Variants in AMDHD2 observed in about 807,000 individuals in gnomAD.
AMDHD2 encodes the protein N-acetylglucosamine-6-phosphate deacetylase.
Under a neutral mutation model 41.8 loss-of-function variants are expected in AMDHD2, and 24 were observed. That is an observed-to-expected ratio of 0.57 (90% CI 0.42 to 0.81). The LOEUF (loss-of-function observed/expected upper bound fraction) is 0.81. AMDHD2 is among the 30% of genes least tolerant of loss of function. The pLI, the probability that AMDHD2 is intolerant of heterozygous loss-of-function variation, is 0.00. For missense variants in AMDHD2, 540 were observed against 588.5 expected (o/e 0.92, Z 0.85); for synonymous variants, 332 against 255.5 (o/e 1.30, Z -2.85).
intron 3 of AMDHD2, among the ~76,000 whole-genome samples, chr16:2,524,553 C>T (rs1402492925): frequency 2.6e-5 from 4 of 152,214 alleles, no homozygotes; most frequent in African/African-American, 9.6e-5. Context: ...AAACTCCATT[C>T]TGGAAAAACT....
intron 10 of AMDHD2, 149 bp from the exon 11 acceptor site, chr16:2,529,326 C>T (rs1314517406): frequency 7.7e-7 from 1 of 1,299,046 alleles, no homozygotes; most frequent in East Asian, 2.4e-5. Context: ...TCCAGTACCT[C>T]TGTCCATCTG....
chr16:2,529,106 GT>G lies in AMDHD2; in HGVS notation c.1141+12del. The G allele has an allele frequency of 6.5e-7, 1 of 1,544,854 alleles. No homozygotes were observed. The highest frequency in any genetic ancestry group is 8.7e-7 in the Non-Finnish European group (1 of 1,145,822). On this transcript the variant is annotated intron_variant, in intron 10 of 10. Coordinates refer to ENST00000293971, the MANE Select transcript of AMDHD2 (RefSeq NM_001330449.2). ...TTGGTGCTGACGCAGGTGAGGGCCT[GT>G]CGCAGGGTCACCGGGCAGCCTGGCC...
Position 2,531,007 on chromosome 16 carries a change from C to G in AMDHD2, c.*1444C>G. 3 of 1,612,514 alleles carry G rather than the reference C, an allele frequency of 1.9e-6. No individual in the cohort carries two copies. Among genetic ancestry groups the G allele is most frequent in the Non-Finnish European group, 2.5e-6 (3 of 1,179,312 alleles). ...AGGGAGAGGCAGGTGAGGTTCTCAG[C>G]CGATGTGTTAGAGGTTGAGCATCGC... is the stretch of plus-strand genomic sequence containing the variant. On this transcript the variant is annotated 3_prime_UTR_variant, in exon 11 of 11. Transcript: ENST00000293971.
chr16:2,521,796 T>C (rs2065942328), intron 3 of AMDHD2, among the ~76,000 whole-genome samples: 1 of 146,354 alleles, frequency 6.8e-6, no homozygotes, highest in South Asian at 2.2e-4. Context: ...TTTTTTTTTT[T>C]TTTTTGAGAC....
chr16:2,529,080 T>A lies in AMDHD2; in HGVS notation c.1126T>A (p.Phe376Ile). 6.3e-7 allele frequency: 1 copy of A among 1,588,826 alleles called. No individual in the cohort carries two copies. Among genetic ancestry groups the A allele is most frequent in the Non-Finnish European group, 8.6e-7 (1 of 1,168,440 alleles). Residue 376 changes from phenylalanine to isoleucine, a missense_variant, in exon 10 of 11, where the codon TTT (phenylalanine) becomes ATT (isoleucine). Coordinates refer to ENST00000293971, the MANE Select transcript of AMDHD2 (RefSeq NM_001330449.2). ...GLEKSKGTLD[F>I]GADADFVVLD... ...GGAGAAGAGTAAGGGGACCCTGGAC[T>A]TTGGTGCTGACGCAGGTGAGGGCCT... is the stretch of plus-strand genomic sequence containing the variant.
Position 2,527,761 on chromosome 16 carries a change from CCCT to C in AMDHD2, c.416-6_416-4del. 6.4e-7 allele frequency: 1 copy of C among 1,564,112 alleles called. No homozygotes were observed. The highest frequency in any genetic ancestry group is 2.3e-5 in the East Asian group (1 of 44,242). ...CAGGGACCTGCTGGAGCCACTTGCT[CCCT>C]CCTCCCAGGGCTGCACCTGGAGGGC... is the stretch of plus-strand genomic sequence containing the variant. On this transcript the variant is annotated splice_polypyrimidine_tract_variant and intron_variant, in intron 4 of 10. Transcript: ENST00000293971. The surrounding 1 kb of genome is among the most constrained non-coding windows in gnomAD (Gnocchi z 6.1).
At chr16:2,521,516 G>C (rs2141898280) in intron 3 of AMDHD2, among the ~76,000 whole-genome samples, 1 of 152,312 alleles carries the variant, frequency 6.6e-6, no homozygotes, top group Admixed American at 6.5e-5. Flanking sequence ...CCTGTCTGAT[G>C]TGTGACTCAG....
intron 9 of AMDHD2, 39 bp from the exon 10 acceptor site, chr16:2,528,955 G>C (rs2066046754): frequency 6.5e-7 from 1 of 1,546,992 alleles, no homozygotes; most frequent in African/African-American, 1.4e-5. Context: ...AAAGCCATGT[G>C]GGCTTGGGGA....
At chr16:2,525,887 A>T (rs1483461131) in intron 3 of AMDHD2, among the ~76,000 whole-genome samples, 1 of 151,966 alleles carries the variant, frequency 6.6e-6, no homozygotes, top group South Asian at 2.1e-4. Context: ...CCATGTTGGT[A>T]AGGCTGGTCT....
At chr16:2,520,952 T>A in intron 2 of AMDHD2, 32 bp from the exon 3 acceptor site, 1 of 1,596,178 alleles carries the variant, frequency 6.3e-7, no homozygotes, top group Non-Finnish European at 8.6e-7. Context: ...AGCTCTGAGC[T>A]CCATGCGACA....
At chr16:2,528,625 A>C (rs1294283545) in intron 8 of AMDHD2, 25 bp from the exon 9 acceptor site, 6 of 1,612,948 alleles carry the variant, frequency 3.7e-6, no homozygotes, top group Non-Finnish European at 4.2e-6. Context: ...CGACCCCCCC[A>C]GAGCCTGCCC....
chr16:2,525,157 A>G (rs2065987296), intron 3 of AMDHD2, among the ~76,000 whole-genome samples: 1 of 150,890 alleles, frequency 6.6e-6, no homozygotes, highest in African/African-American at 2.4e-5. Context: ...CCTGAGTTTA[A>G]GTGATTCTCC....
Position 2,531,112 on chromosome 16 carries a change from C to T in AMDHD2, c.*1549C>T. Reference sequence around the variant, plus strand: ...CCAGAGCTGGCATGTTGGTCATCCCCACCTCAGACGGGACGCCCAGTCCAG... The same window carrying T: ...CCAGAGCTGGCATGTTGGTCATCCCTACCTCAGACGGGACGCCCAGTCCAG... On this transcript the variant is annotated 3_prime_UTR_variant, in exon 11 of 11. Coordinates refer to ENST00000293971, the MANE Select transcript of AMDHD2 (RefSeq NM_001330449.2). 2 of 1,542,380 alleles carry T rather than the reference C, an allele frequency of 1.3e-6. No homozygotes were observed. Among genetic ancestry groups the T allele is most frequent in the Non-Finnish European group, 1.8e-6 (2 of 1,133,910 alleles).
intron 3 of AMDHD2, among the ~76,000 whole-genome samples, chr16:2,521,349 A>C (rs541280816): frequency 6.6e-6 from 1 of 151,606 alleles, no homozygotes; most frequent in African/African-American, 2.4e-5. Context: ...CTGTCTCCAC[A>C]CTGCTGGCTC....
chr16:2,529,601 G>A lies in AMDHD2; in HGVS notation c.*38G>A, dbSNP rs200563630. 1.9e-6 allele frequency: 3 copies of A among 1,602,630 alleles called. No individual in the cohort carries two copies. The highest frequency in any genetic ancestry group is 1.7e-5 in the Admixed American group (1 of 59,996). The stretch of plus-strand genomic sequence containing the variant: ...CTGAGAGGACACCTGGCCGCAGCGG[G>A]ATGCCATCAGGGCCGGGTGGTTGGG... On this transcript the variant is annotated 3_prime_UTR_variant, in exon 11 of 11. Coordinates refer to ENST00000293971, the MANE Select transcript of AMDHD2 (RefSeq NM_001330449.2).
chr16:2,527,350 TCCCACACAC>T lies in AMDHD2; in HGVS notation c.361-209_361-201del, dbSNP rs2066016687. Among the ~76,000 whole-genome samples the T allele has an allele frequency of 1.3e-5, 2 of 152,142 alleles. No individual in the cohort carries two copies. The highest frequency in any genetic ancestry group is 4.8e-5 in the African/African-American group (2 of 41,442). On this transcript the variant is annotated intron_variant, in intron 3 of 10. Coordinates refer to ENST00000293971, the MANE Select transcript of AMDHD2 (RefSeq NM_001330449.2). The surrounding 1 kb of genome is among the most constrained non-coding windows in gnomAD (Gnocchi z 6.1). ...CCCACATGGCCAGGGACCGCTGGCA[TCCCACACAC>T]CTATCATTTCTTCCTGCTCCTGCCA...
intron 10 of AMDHD2, 24 bp downstream of exon 10, chr16:2,529,119 C>T (rs1233900711): frequency 9.2e-6 from 14 of 1,519,484 alleles, no homozygotes; most frequent in South Asian, 1.2e-5. Flanking sequence ...GCAGGGTCAC[C>T]GGGCAGCCTG....
chr16:2,522,050 C>G (rs903100440), intron 3 of AMDHD2, among the ~76,000 whole-genome samples: 1 of 152,078 alleles, frequency 6.6e-6, no homozygotes, highest in African/African-American at 2.4e-5. Flanking sequence ...TCCCAAAGTG[C>G]TGGGATTACA....
At chr16:2,524,262 C>G (rs993116364) in intron 3 of AMDHD2, among the ~76,000 whole-genome samples, 1 of 152,224 alleles carries the variant, frequency 6.6e-6, no homozygotes, top group African/African-American at 2.4e-5. Flanking sequence ...CTGTTCTGGT[C>G]CATTAAGACC....
Sources: allele counts gnomAD v4.1 joint callset (sites outside exome capture counted in the v4.1 genomes callset), GRCh38; gene constraint gnomAD v4.1.1; non-coding constraint Gnocchi (gnomAD v3.1); transcripts MANE v1.5; gene names NCBI Gene and HGNC (gene_info 2026-07-23, HGNC 2026-07-21).